Variants in GALNT17 observed in about 807,000 individuals in gnomAD.
GALNT17 encodes the protein polypeptide N-acetylgalactosaminyltransferase 17, also known as UDP-GalNAc:polypeptide N-acetylgalactosaminyltransferase-like 3.
Under a neutral mutation model 63.7 loss-of-function variants are expected in GALNT17, and 29 were observed. The ratio of observed to expected loss-of-function variants is 0.46; its 90% CI spans 0.34 to 0.62. GALNT17 has a LOEUF of 0.62. Ranked by LOEUF, GALNT17 falls within the 20% of genes least tolerant of loss-of-function variation. The pLI, the probability that GALNT17 is intolerant of heterozygous loss-of-function variation, is 0.01. For missense variants in GALNT17, 603 were observed against 799.6 expected, an observed-to-expected ratio of 0.75 and a Z score of 2.97; for synonymous variants, 305 against 318.3, an observed-to-expected ratio of 0.96 and a Z score of 0.45.
At chr7:71,348,932 C>T (rs1792141850) in intron 2 of GALNT17, among the ~76,000 whole-genome samples, 1 of 152,190 alleles carries the variant, frequency 6.6e-6, no homozygotes, top group South Asian at 2.1e-4. Context: ...AAACTTGCCT[C>T]CAGGCGTCTA....
intron 1 of GALNT17, among the ~76,000 whole-genome samples, chr7:71,235,852 GT>G: frequency 1.3e-5 from 2 of 152,270 alleles, no homozygotes; most frequent in East Asian, 3.9e-4. Flanking sequence ...CTGGTTCCCA[GT>G]GTCCTTGGAT....
At chr7:71,254,920 A>G (rs1254566462) in intron 1 of GALNT17, among the ~76,000 whole-genome samples, 2 of 152,230 alleles carry the variant, frequency 1.3e-5, no homozygotes, top group Non-Finnish European at 2.9e-5. Context: ...GGTCTAGTTT[A>G]AAACTGGAGC....
chr7:71,339,258 G>A (rs539726578), intron 2 of GALNT17, among the ~76,000 whole-genome samples: 1 of 152,340 alleles, frequency 6.6e-6, no homozygotes, highest in East Asian at 1.9e-4. Context: ...GTCTAGGGAG[G>A]AAGACAGATA....
rs181045896 is a variant in GALNT17 at position 71,480,276 on chromosome 7, C to G, written c.962+59171C>G. 3.0e-3 allele frequency among the ~76,000 whole-genome samples: 432 copies of G among 146,326 alleles called. 2 individuals carry two copies. The highest frequency in any genetic ancestry group is 0.01 in the African/African-American group (414 of 39,800). ...TGCCTCCTGGGTTCAAGCGATTCTCCTGTCTCAGCCTCCCGAGTAACTGTG... is the reference window on the plus strand; with the variant it reads ...TGCCTCCTGGGTTCAAGCGATTCTCGTGTCTCAGCCTCCCGAGTAACTGTG... On this transcript the variant is annotated intron_variant, in intron 5 of 10. Transcript: ENST00000333538.
intron 2 of GALNT17, among the ~76,000 whole-genome samples, chr7:71,343,197 G>A (rs897387286): frequency 1.4e-4 from 21 of 152,216 alleles, no homozygotes; most frequent in Non-Finnish European, 2.2e-4. Context: ...CTGAGCCCTG[G>A]AGATGTAAGG....
intron 1 of GALNT17, among the ~76,000 whole-genome samples, chr7:71,245,848 G>GTTTTTTTTTTTTT (rs542136452): frequency 8.1e-5 from 10 of 122,884 alleles, no homozygotes; most frequent in East Asian, 2.3e-4. Flanking sequence ...AAGAGAGCAG[G>GTTTTTTTTTTTTT]TTTTTTTTTT....
intron 1 of GALNT17, among the ~76,000 whole-genome samples, chr7:71,268,313 G>A (rs1304239186): frequency 4.6e-5 from 7 of 151,874 alleles, no homozygotes; most frequent in Non-Finnish European, 4.4e-5. Flanking sequence ...AGGTCGAGGT[G>A]GGTGGATCCC....
At position 71,522,207 on chromosome 7, in the gene GALNT17, A is replaced by G. The variant is rs576856139; in HGVS notation, c.963-49078A>G. 1.2e-4 allele frequency among the ~76,000 whole-genome samples: 18 copies of G among 152,224 alleles called. 1 individual carries two copies. The South Asian group carries it at 3.5e-3, about 30-fold the overall frequency. ...CTGTGAGTTCCTTGGCATGGTGTCA[A>G]TGTTGGATGCAGAGAGTCCTCAAAC... On this transcript the variant is annotated intron_variant, in intron 5 of 10. Coordinates refer to ENST00000333538, the MANE Select transcript of GALNT17 (RefSeq NM_022479.3).
intron 1 of GALNT17, among the ~76,000 whole-genome samples, chr7:71,240,497 A>G: frequency 6.6e-6 from 1 of 152,086 alleles, no homozygotes; most frequent in Non-Finnish European, 1.5e-5. Context: ...CCCATTGTTT[A>G]GATCCCACTT....
intron 6 of GALNT17, among the ~76,000 whole-genome samples, chr7:71,617,310 CG>C (rs373489382): frequency 8.1e-5 from 9 of 111,774 alleles, no homozygotes; most frequent in Admixed American, 2.8e-4. Flanking sequence ...TTTGCAGGGG[CG>C]GGGGGGGTTG....
chr7:71,580,101 T>G (rs1789608861), intron 6 of GALNT17, among the ~76,000 whole-genome samples: 3 of 151,918 alleles, frequency 2.0e-5, no homozygotes, highest in Admixed American at 1.3e-4. Context: ...ATGGATAGAT[T>G]GATAGATTAT....
chr7:71,153,682 C>G (rs1380531788), intron 1 of GALNT17, among the ~76,000 whole-genome samples: 1 of 151,976 alleles, frequency 6.6e-6, no homozygotes. Flanking sequence ...TGTGGGAGGC[C>G]GAGGCCGGTG....
At chr7:71,329,769 C>G (rs1270875678) in intron 1 of GALNT17, among the ~76,000 whole-genome samples, 10 of 151,938 alleles carry the variant, frequency 6.6e-5, no homozygotes, top group Admixed American at 6.6e-4. Context: ...GATGTAGTCA[C>G]CTCCCATCAG....
chr7:71,492,868 A>T (rs1009281059), intron 5 of GALNT17, among the ~76,000 whole-genome samples: 1 of 152,206 alleles, frequency 6.6e-6, no homozygotes, highest in Non-Finnish European at 1.5e-5. Flanking sequence ...GGGGTGGATT[A>T]TGATGGACCA....
At chr7:71,530,177 G>A (rs1451177430) in intron 5 of GALNT17, among the ~76,000 whole-genome samples, 2 of 152,108 alleles carry the variant, frequency 1.3e-5, no homozygotes, top group African/African-American at 4.8e-5. Flanking sequence ...GCAAGTCCTG[G>A]GTCCCTGCTG....
chr7:71,232,184 C>T (rs1922515), intron 1 of GALNT17, among the ~76,000 whole-genome samples: 6,815 of 152,152 alleles, frequency 0.045, 244 homozygotes, highest in Admixed American at 0.1. Context: ...TGTGTGGATG[C>T]GCAGTCCTTC....
chr7:71,698,789 G>A (rs1377718375), intron 9 of GALNT17, among the ~76,000 whole-genome samples: 1 of 152,052 alleles, frequency 6.6e-6, no homozygotes, highest in African/African-American at 2.4e-5. Context: ...GAATATGAAT[G>A]GATTTAACTC....
At chr7:71,534,213 C>A (rs530855028) in intron 5 of GALNT17, among the ~76,000 whole-genome samples, 3 of 152,104 alleles carry the variant, frequency 2.0e-5, no homozygotes, top group South Asian at 2.1e-4. Context: ...GGGAAACTTA[C>A]AATCATGGCA....
At chr7:71,321,944 C>CCTTT (rs1791624178) in intron 1 of GALNT17, among the ~76,000 whole-genome samples, 1 of 34,072 alleles carries the variant, frequency 2.9e-5, no homozygotes, top group Non-Finnish European at 6.3e-5. Flanking sequence ...TCCCTCCCTC[C>CCTTT]CTTCCTTCCT....
Sources: allele counts gnomAD v4.1 joint callset (sites outside exome capture counted in the v4.1 genomes callset), GRCh38; gene constraint gnomAD v4.1.1; transcripts MANE v1.5; gene names NCBI Gene and HGNC (gene_info 2026-07-23, HGNC 2026-07-21).